Variants in TTC7A observed in about 807,000 individuals in gnomAD.
TTC7A encodes the protein tetratricopeptide repeat protein 7A.
Under a neutral mutation model 103.7 loss-of-function variants are expected in TTC7A, and 110 were observed. The observed-to-expected ratio is 1.06, with a 90% CI of 0.91 to 1.24. The LOEUF is 1.24. TTC7A is among the 50% of genes most tolerant of loss of function. TTC7A has a pLI of 0.00. For missense variants in TTC7A, 1,340 were observed against 1,116.3 expected (o/e 1.20, Z -2.86); for synonymous variants, 521 against 467.9 (o/e 1.11, Z -1.47).
chr2:46,975,219 T>A (rs1673760337), intron 4 of TTC7A, 116 bp downstream of exon 4: 15 of 1,367,926 alleles, frequency 1.1e-5, no homozygotes, highest in Non-Finnish European at 1.5e-5. Context: ...ACCTTCTCTG[T>A]CCCCCAAAGA....
chr2:46,983,608 T>G (rs736683), intron 5 of TTC7A, among the ~76,000 whole-genome samples: 1 of 152,100 alleles, frequency 6.6e-6, no homozygotes, highest in African/African-American at 2.4e-5. Context: ...CAGTGACTTA[T>G]GAAGCCCGGC....
At chr2:47,025,554 C>T (rs776317055) in intron 14 of TTC7A, among the ~76,000 whole-genome samples, 4 of 152,202 alleles carry the variant, frequency 2.6e-5, no homozygotes, top group African/African-American at 4.8e-5. Flanking sequence ...GGGACCCCTT[C>T]CCTCTCACCC....
chr2:46,966,273 A>G (rs1182295475), intron 3 of TTC7A, among the ~76,000 whole-genome samples: 1 of 151,972 alleles, frequency 6.6e-6, no homozygotes, highest in African/African-American at 2.4e-5. Flanking sequence ...TCTTTATAAT[A>G]TTTCATCTAA....
At chr2:46,932,761 A>C (rs13398748) in intron 2 of TTC7A, among the ~76,000 whole-genome samples, 8,658 of 151,534 alleles carry the variant, frequency 0.057, 299 homozygotes, top group African/African-American at 0.09. Flanking sequence ...ATTAGCCAAG[A>C]GTGGTGGTGC....
At chr2:46,975,242 T>C in intron 4 of TTC7A, 139 bp downstream of exon 4, 1 of 1,153,122 alleles carries the variant, frequency 8.7e-7, no homozygotes, top group East Asian at 2.5e-5. Flanking sequence ...CTCTACTTCA[T>C]AGTTGGAAAA....
At chr2:46,982,982 A>G (rs1304973715) in intron 5 of TTC7A, among the ~76,000 whole-genome samples, 2 of 152,182 alleles carry the variant, frequency 1.3e-5, no homozygotes, top group African/African-American at 4.8e-5. Context: ...AAATAAATAA[A>G]TAAATAAAAT....
intron 6 of TTC7A, chr2:46,994,104 T>G (rs1400943027): frequency 4.2e-6 from 2 of 477,034 alleles, no homozygotes; most frequent in African/African-American, 3.9e-5. Context: ...GAAATGCTCC[T>G]CTTGTCTAGG....
rs1684188820 is a variant in TTC7A, at chr2:47,066,470, A to G, written c.2355+5499A>G. The stretch of plus-strand genomic sequence containing the variant: ...TTAGGTGCTCTGGGACTCTAACAAG[A>G]AGGCTCTGGTCTCTAAGGCCAAAAG... On this transcript the variant is annotated intron_variant, in intron 19 of 19. Transcript: ENST00000319190. Among the ~76,000 whole-genome samples the G allele has an allele frequency of 3.3e-5, 5 of 151,606 alleles. No homozygotes were observed. In the South Asian group the frequency reaches 1.0e-3, roughly 32 times the overall value.
At chr2:47,073,086 C>T (rs1684908517) in intron 19 of TTC7A, among the ~76,000 whole-genome samples, 1 of 152,194 alleles carries the variant, frequency 6.6e-6, no homozygotes, top group African/African-American at 2.4e-5. Flanking sequence ...TCTGACTCTC[C>T]TCCCATGACC....
At chr2:46,929,182 AAAAC>A (rs1026794691) in intron 2 of TTC7A, among the ~76,000 whole-genome samples, 4 of 152,212 alleles carry the variant, frequency 2.6e-5, no homozygotes, top group South Asian at 4.2e-4. Flanking sequence ...AAAACAAAAC[AAAAC>A]AAAAAAACAC....
intron 10 of TTC7A, among the ~76,000 whole-genome samples, chr2:47,008,134 G>A (rs1191857683): frequency 6.6e-6 from 1 of 152,178 alleles, no homozygotes; most frequent in African/African-American, 2.4e-5. Context: ...AGCTCACAGT[G>A]GCATGGGCAG....
rs933837917 is a variant in TTC7A at position 47,075,590 on chromosome 2, A to C, written c.*1667A>C. On this transcript the variant is annotated 3_prime_UTR_variant, in exon 20 of 20. Transcript: ENST00000319190. ...GAAGCAGCATGTATATTCACTGGGC[A>C]TGTAGCTCCCACACCAGCCTTGAGC... The C allele has an allele frequency of 6.6e-6, 1 of 152,236 alleles. No homozygotes were observed. Among genetic ancestry groups the C allele is most frequent in the Admixed American group, 6.5e-5 (1 of 15,282 alleles). 9.4% of individuals were successfully genotyped at this position (152,236 alleles called of 1,614,324 possible). A position where few individuals can be genotyped will look rare whatever the true frequency, so the allele number is the denominator to read the frequency against.
intron 18 of TTC7A, among the ~76,000 whole-genome samples, chr2:47,053,546 G>GGTTC (rs1553410718): frequency 2.5e-5 from 3 of 118,968 alleles, no homozygotes; most frequent in African/African-American, 1.2e-4. Flanking sequence ...TTGTTTGTTT[G>GGTTC]GTTGGTTGGT....
At chr2:47,017,775 A>G (rs1221214891) in intron 11 of TTC7A, among the ~76,000 whole-genome samples, 2 of 151,864 alleles carry the variant, frequency 1.3e-5, no homozygotes, top group African/African-American at 4.8e-5. Flanking sequence ...AGTAATGTCT[A>G]CTCTCTGGAT....
At chr2:47,045,170 C>G (rs973334137) in intron 15 of TTC7A, among the ~76,000 whole-genome samples, 1 of 152,210 alleles carries the variant, frequency 6.6e-6, no homozygotes, top group African/African-American at 2.4e-5. Flanking sequence ...GTCTGGCCCT[C>G]GGTGGTTCAA....
At chr2:46,983,534 G>A (rs1572810781) in intron 5 of TTC7A, among the ~76,000 whole-genome samples, 2 of 152,228 alleles carry the variant, frequency 1.3e-5, no homozygotes, top group African/African-American at 4.8e-5. Flanking sequence ...GCCGTCCTCA[G>A]CTGTGCCTGC....
At chr2:46,956,759 A>G in intron 2 of TTC7A, 80 bp from the exon 3 acceptor site, 1 of 1,539,020 alleles carries the variant, frequency 6.5e-7, no homozygotes, top group Admixed American at 1.7e-5. Context: ...TCTGAGGCAA[A>G]CAAGGTCCAG....
At chr2:46,917,611 C>T (rs1476412595) in intron 2 of TTC7A, among the ~76,000 whole-genome samples, 1 of 152,094 alleles carries the variant, frequency 6.6e-6, no homozygotes, top group Non-Finnish European at 1.5e-5. Context: ...TCATTTTTTT[C>T]CTATGGATGT....
chr2:46,979,423 G>A (rs907317200), intron 5 of TTC7A, among the ~76,000 whole-genome samples: 5 of 152,172 alleles, frequency 3.3e-5, no homozygotes, highest in African/African-American at 9.7e-5. Flanking sequence ...TCACGCTGGG[G>A]CTGTGGCTGT....
Sources: gnomAD v4.1 joint callset for allele counts (sites outside exome capture counted in the v4.1 genomes callset) on GRCh38, gnomAD v4.1.1 for gene constraint, MANE v1.5 for transcripts, NCBI Gene and HGNC (gene_info 2026-07-23, HGNC 2026-07-21) for gene names.